MTUS2: variants seen among roughly 807,000 people sequenced by gnomAD.
MTUS2 encodes microtubule-associated tumor suppressor candidate 2.
In MTUS2, 40 loss-of-function variants were observed where a neutral mutation model predicts 114.1. The ratio of observed to expected loss-of-function variants is 0.35; its 90% CI spans 0.27 to 0.46. The LOEUF is 0.46. Among genes scored for constraint, MTUS2 ranks in the 20% least tolerant of loss-of-function variants. MTUS2 has a pLI of 1.00. For synonymous variants in MTUS2, 688 were observed against 672.0 expected, an observed-to-expected ratio of 1.02 and a Z score of -0.37; for missense variants, 1,679 against 1,705.4, an observed-to-expected ratio of 0.98 and a Z score of 0.27.
chr13:28,880,884 A>C (rs1325082827), intron 2 of MTUS2, among the ~76,000 whole-genome samples: 1 of 152,162 alleles, frequency 6.6e-6, no homozygotes, highest in East Asian at 1.9e-4. Flanking sequence ...ATTATAGTTA[A>C]TCATTTGTTT....
intron 5 of MTUS2, among the ~76,000 whole-genome samples, chr13:29,127,554 G>A (rs958152185): frequency 2.6e-5 from 4 of 152,318 alleles, no homozygotes; most frequent in African/African-American, 9.6e-5. Context: ...ATCAGCTCCT[G>A]CCCCCAAGTT....
chr13:29,338,744 A>C (rs1033866894), intron 7 of MTUS2, among the ~76,000 whole-genome samples: 1 of 152,198 alleles, frequency 6.6e-6, no homozygotes, highest in African/African-American at 2.4e-5. Flanking sequence ...ACTGATTTCT[A>C]TAATTTTTTT....
intron 2 of MTUS2, among the ~76,000 whole-genome samples, chr13:28,970,454 C>T (rs886709799): frequency 6.6e-6 from 1 of 152,208 alleles, no homozygotes; most frequent in Non-Finnish European, 1.5e-5. Context: ...ATCGTTCATT[C>T]ATGCGTTGTC....
chr13:29,359,003 G>A (rs1160478449), intron 7 of MTUS2, among the ~76,000 whole-genome samples: 1 of 149,372 alleles, frequency 6.7e-6, no homozygotes, highest in Admixed American at 6.7e-5. Flanking sequence ...CCTAGAAGAA[G>A]TGTCGGAAGC....
At chr13:29,265,922 G>A (rs149148860) in intron 5 of MTUS2, among the ~76,000 whole-genome samples, 8 of 152,290 alleles carry the variant, frequency 5.3e-5, no homozygotes, top group African/African-American at 1.9e-4. Context: ...AGCATCCTGT[G>A]TGTTTCTCTC....
chr13:28,903,010 T>A (rs1028296694), intron 2 of MTUS2, among the ~76,000 whole-genome samples: 1 of 152,174 alleles, frequency 6.6e-6, no homozygotes, highest in African/African-American at 2.4e-5. Flanking sequence ...TTTATAGGGC[T>A]GTTCAAATGA....
At position 28,975,430 on chromosome 13, in the gene MTUS2, TC is replaced by T. The variant is rs200377031; in HGVS notation, c.-242-49026del. On this transcript the variant is annotated intron_variant, in intron 2 of 15. Transcript: ENST00000612955. ...GCTCTGACTCTCCACAGTGGCTTCTTCGGCAGTTTACTCACTGGGCGTTTCC... is the reference window on the plus strand; with the variant it reads ...GCTCTGACTCTCCACAGTGGCTTCTTGGCAGTTTACTCACTGGGCGTTTCC... Among the ~76,000 whole-genome samples the T allele has an allele frequency of 7.2e-3, 1,095 of 152,122 alleles. 13 individuals are homozygous for T. Among genetic ancestry groups the T allele is most frequent in the African/African-American group, 0.025 (1,034 of 41,582 alleles).
intron 9 of MTUS2, among the ~76,000 whole-genome samples, chr13:29,447,917 A>C (rs74042084): frequency 0.081 from 12,330 of 152,032 alleles, 630 homozygotes; most frequent in African/African-American, 0.15. Flanking sequence ...GGAACACCAC[A>C]CTCCAAATTT....
At chr13:29,343,561 C>G (rs1330276915) in intron 7 of MTUS2, among the ~76,000 whole-genome samples, 2 of 151,984 alleles carry the variant, frequency 1.3e-5, no homozygotes, top group African/African-American at 4.8e-5. Flanking sequence ...CTTGGTTCAT[C>G]TTGCTAATGG....
chr13:29,034,065 G>A lies in MTUS2; in HGVS notation c.2386G>A (p.Ala796Thr), dbSNP rs556525596. ...TGCAAGTCAGAGGTCTTCAGCGAGCGCCATCCACCCACCAGGACCCATAAC... is the reference window on the plus strand; with the variant it reads ...TGCAAGTCAGAGGTCTTCAGCGAGCACCATCCACCCACCAGGACCCATAAC... ...LIASQRSSASAIHPPGPITTA... is the reference protein window; with the variant it reads ...LIASQRSSASTIHPPGPITTA... The change falls in exon 4 of 16, where the codon GCC becomes ACC. Residue 796 changes from alanine to threonine, a missense_variant. By Grantham distance (58) the Ala-to-Thr change is moderately conservative. Transcript: ENST00000612955. The A allele has an allele frequency of 2.9e-5, 46 of 1,613,894 alleles. No individual in the cohort carries two copies. In the East Asian group the frequency reaches 5.6e-4, roughly 20 times the overall value.
intron 5 of MTUS2, among the ~76,000 whole-genome samples, chr13:29,229,869 A>G (rs1472246294): frequency 1.3e-5 from 2 of 151,346 alleles, no homozygotes; most frequent in Admixed American, 6.6e-5. Context: ...GATAAAAATT[A>G]TATTTTTTTA....
chr13:29,182,186 T>C (rs1028167352), intron 5 of MTUS2, among the ~76,000 whole-genome samples: 1 of 152,216 alleles, frequency 6.6e-6, no homozygotes, highest in Non-Finnish European at 1.5e-5. Context: ...GACAAAAACC[T>C]TGGAGTCATC....
At chr13:28,877,960 C>A (rs577961682) in intron 2 of MTUS2, among the ~76,000 whole-genome samples, 1 of 152,182 alleles carries the variant, frequency 6.6e-6, no homozygotes, top group Admixed American at 6.5e-5. Context: ...TGTTCTTTTG[C>A]ATTTGGAAAT....
chr13:29,426,610 T>C (rs1476612254), intron 8 of MTUS2, among the ~76,000 whole-genome samples: 1 of 152,242 alleles, frequency 6.6e-6, no homozygotes, highest in African/African-American at 2.4e-5. Flanking sequence ...GTACTTCATA[T>C]AAGTGGAATC....
intron 7 of MTUS2, among the ~76,000 whole-genome samples, chr13:29,327,443 C>G (rs956972737): frequency 6.6e-6 from 1 of 152,092 alleles, no homozygotes; most frequent in Non-Finnish European, 1.5e-5. Flanking sequence ...CTGATCTGTT[C>G]TGTCACTAGA....
intron 7 of MTUS2, among the ~76,000 whole-genome samples, chr13:29,345,549 T>C (rs974119131): frequency 6.6e-6 from 1 of 151,872 alleles, no homozygotes; most frequent in Non-Finnish European, 1.5e-5. Context: ...CTCTGGAGAT[T>C]TTTTCATCCA....
intron 5 of MTUS2, among the ~76,000 whole-genome samples, chr13:29,228,863 G>A (rs1325226619): frequency 1.3e-5 from 2 of 152,046 alleles, no homozygotes; most frequent in East Asian, 3.9e-4. Flanking sequence ...TTGAAAAAAT[G>A]CACAGGTTTG....
intron 7 of MTUS2, among the ~76,000 whole-genome samples, chr13:29,357,038 C>G (rs375461489): frequency 6.6e-6 from 1 of 152,108 alleles, no homozygotes; most frequent in Non-Finnish European, 1.5e-5. Flanking sequence ...CACTGTTGTT[C>G]AGTAGAACAC....
chr13:29,150,876 G>C (rs1222412061), intron 5 of MTUS2, among the ~76,000 whole-genome samples: 1 of 151,994 alleles, frequency 6.6e-6, no homozygotes, highest in East Asian at 1.9e-4. Flanking sequence ...TTATTTCTAG[G>C]TTCTCTATGG....
Sources: gnomAD v4.1 joint callset for allele counts (sites outside exome capture counted in the v4.1 genomes callset) on GRCh38, gnomAD v4.1.1 for gene constraint, MANE v1.5 for transcripts, NCBI Gene and HGNC (gene_info 2026-07-23, HGNC 2026-07-21) for gene names.